Variants in MMP26 observed in about 807,000 individuals in gnomAD.
MMP26 encodes the protein matrix metalloproteinase-26.
A neutral mutation model predicts 31.0 loss-of-function variants in MMP26; 33 were observed. The observed-to-expected ratio is 1.06, with a 90% CI of 0.81 to 1.42. The LOEUF (loss-of-function observed/expected upper bound fraction) is 1.42, where lower values mean the gene tolerates loss of function less well. MMP26 is among the 40% of genes most tolerant of loss of function. The pLI is 0.00. For synonymous variants in MMP26, 122 were observed against 114.9 expected (o/e 1.06, Z -0.40); for missense variants, 347 against 316.1 (o/e 1.10, Z -0.74).
At chr11:4,753,336 G>T (rs1247209934) in intron 1 of MMP26, among the ~76,000 whole-genome samples, 1 of 151,860 alleles carries the variant, frequency 6.6e-6, no homozygotes, top group Non-Finnish European at 1.5e-5. Flanking sequence ...TCAGTATTTT[G>T]TCTGTGAGAT....
At chr11:4,991,873 G>T in intron 6 of MMP26, 91 bp from the exon 7 acceptor site, 2 of 1,218,694 alleles carry the variant, frequency 1.6e-6, no homozygotes, top group South Asian at 1.8e-5. Context: ...CTCGTTTTCT[G>T]TTCTCTCCTT....
At chr11:4,765,974 A>AT (rs1230087028) in intron 1 of MMP26, among the ~76,000 whole-genome samples, 2 of 152,196 alleles carry the variant, frequency 1.3e-5, no homozygotes, top group African/African-American at 4.8e-5. Flanking sequence ...TCAGTAGTAA[A>AT]TTAGCTACAT....
intron 2 of MMP26, among the ~76,000 whole-genome samples, chr11:4,870,860 T>C (rs573997482): frequency 2.0e-5 from 3 of 152,274 alleles, no homozygotes; most frequent in African/African-American, 7.2e-5. Flanking sequence ...CCTGAAGATA[T>C]ACACTTGTAG....
At chr11:4,773,194 T>A (rs1175855775) in intron 2 of MMP26, among the ~76,000 whole-genome samples, 1 of 152,228 alleles carries the variant, frequency 6.6e-6, no homozygotes, top group East Asian at 1.9e-4. Context: ...CCCATGTTTA[T>A]CCTCTGCTGT....
At chr11:4,841,962 G>A (rs145859481) in intron 2 of MMP26, among the ~76,000 whole-genome samples, 3 of 152,244 alleles carry the variant, frequency 2.0e-5, no homozygotes, top group East Asian at 3.9e-4. Flanking sequence ...TGAAAGAACA[G>A]GACATTAATG....
At chr11:4,982,079 T>TATAC (rs1554895226) in intron 2 of MMP26, among the ~76,000 whole-genome samples, 3 of 151,532 alleles carry the variant, frequency 2.0e-5, no homozygotes, top group African/African-American at 7.3e-5. Context: ...TATATATATA[T>TATAC]ACACACAATA....
intron 2 of MMP26, chr11:4,955,440 G>T: frequency 8.5e-7 from 1 of 1,179,448 alleles, no homozygotes; most frequent in South Asian, 1.3e-5. Flanking sequence ...GAAGTTTCAG[G>T]GGCATTGAAC....
At chr11:4,955,761 T>A (rs1846434392) in intron 2 of MMP26, 1 of 1,539,256 alleles carries the variant, frequency 6.5e-7, no homozygotes, top group African/African-American at 1.4e-5. Flanking sequence ...ACACCTGACC[T>A]CAGGTGATCC....
Position 4,781,628 on chromosome 11 carries a change from T to G in MMP26, c.-145+14287T>G, listed in dbSNP as rs2898964. ...AAAAACTGATTGCATAATCAAGTAT[T>G]AAACTATAATTTTAATATTATTTTA... On this transcript the variant is annotated intron_variant, in intron 2 of 7. Transcript: ENST00000380390. Among the ~76,000 whole-genome samples, 176 of 114,902 alleles carry G rather than the reference T, an allele frequency of 1.5e-3. 5 individuals are homozygous for G. The highest frequency in any genetic ancestry group is 1.9e-3 in the Non-Finnish European group (98 of 50,472). 75.4% of individuals were successfully genotyped at this position (114,902 alleles called of 152,430 possible).
At chr11:4,755,813 A>T (rs548501460) in intron 1 of MMP26, among the ~76,000 whole-genome samples, 1 of 152,194 alleles carries the variant, frequency 6.6e-6, no homozygotes, top group African/African-American at 2.4e-5. Context: ...TTAAGAAAAA[A>T]AATAAAAACT....
chr11:4,960,144 A>G (rs1172947529), intron 2 of MMP26, among the ~76,000 whole-genome samples: 1 of 151,446 alleles, frequency 6.6e-6, no homozygotes, highest in East Asian at 1.9e-4. Context: ...AAGCAAATGG[A>G]CATGGCATAA....
chr11:4,897,117 G>GAC (rs553099813), intron 2 of MMP26, among the ~76,000 whole-genome samples: 2,711 of 132,260 alleles, frequency 0.02, 29 homozygotes, highest in Non-Finnish European at 0.032. Flanking sequence ...CACACACACA[G>GAC]ACACACACAC....
chr11:4,829,126 A>T (rs1286717787), intron 2 of MMP26, among the ~76,000 whole-genome samples: 1 of 152,186 alleles, frequency 6.6e-6, no homozygotes, highest in African/African-American at 2.4e-5. Flanking sequence ...TTCTACTGGC[A>T]TGATCTTGCA....
chr11:4,924,728 G>A (rs1307558583), intron 2 of MMP26, among the ~76,000 whole-genome samples: 1 of 152,188 alleles, frequency 6.6e-6, no homozygotes, highest in Non-Finnish European at 1.5e-5. Context: ...GAAGGAAGAA[G>A]AGATTTACAC....
intron 2 of MMP26, chr11:4,882,582 T>C (rs1358969824): frequency 6.2e-7 from 1 of 1,613,960 alleles, no homozygotes; most frequent in Non-Finnish European, 8.5e-7. Flanking sequence ...CGTACTGTTC[T>C]GGGCATTGTG....
intron 1 of MMP26, among the ~76,000 whole-genome samples, chr11:4,735,018 T>G (rs1156630573): frequency 6.6e-6 from 1 of 152,186 alleles, no homozygotes; most frequent in Non-Finnish European, 1.5e-5. Flanking sequence ...GGTTAGCTTC[T>G]GCAATATGGA....
rs538704140 is a variant in MMP26, at chr11:4,745,898, G to A, written c.-216-21372G>A. 2.0e-5 allele frequency among the ~76,000 whole-genome samples: 3 copies of A among 152,246 alleles called. No individual in the cohort carries two copies. The South Asian group carries it at 6.2e-4, about 32-fold the overall frequency. The stretch of plus-strand genomic sequence containing the variant: ...AAAATGTTTTTCCACCTAGTAGTAA[G>A]TATTTAAGTTTCTTTAATGTCTTTT... On this transcript the variant is annotated intron_variant, in intron 1 of 7. Coordinates refer to ENST00000380390, the MANE Select transcript of MMP26 (RefSeq NM_021801.5).
intron 2 of MMP26, among the ~76,000 whole-genome samples, chr11:4,906,634 A>G (rs1473290490): frequency 1.3e-5 from 2 of 152,156 alleles, no homozygotes; most frequent in Non-Finnish European, 2.9e-5. Flanking sequence ...TTCTTAGACT[A>G]TTTCTTTCAA....
At chr11:4,863,376 C>G (rs1311159273) in intron 2 of MMP26, among the ~76,000 whole-genome samples, 1 of 151,974 alleles carries the variant, frequency 6.6e-6, no homozygotes, top group Admixed American at 6.6e-5. Context: ...CCTTGCACTA[C>G]CTCCTCCCCA....
Sources: gnomAD v4.1 joint callset for allele counts (sites outside exome capture counted in the v4.1 genomes callset) on GRCh38, gnomAD v4.1.1 for gene constraint, MANE v1.5 for transcripts, NCBI Gene and HGNC (gene_info 2026-07-23, HGNC 2026-07-21) for gene names.